The following SLC30A9 variants were observed in gnomAD, a reference collection of about 807,000 sequenced individuals.
SLC30A9 encodes proton-coupled zinc antiporter SLC30A9, mitochondrial.
In SLC30A9, 58 loss-of-function variants were observed where a neutral mutation model predicts 87.5. The observed-to-expected ratio is 0.66, with a 90% CI of 0.54 to 0.82. SLC30A9 has a LOEUF of 0.82. SLC30A9 is among the 40% of genes least tolerant of loss of function. The pLI, the probability that SLC30A9 is intolerant of heterozygous loss-of-function variation, is 0.00. For missense variants in SLC30A9, 557 were observed against 679.1 expected (o/e 0.82, Z 2.00); for synonymous variants, 234 against 233.0 (o/e 1.00, Z -0.04).
Position 42,038,491 on chromosome 4 carries a change from CTGTT to C in SLC30A9, c.670-490_670-487del, listed in dbSNP as rs1295887879. ...TTCTTATTTTAATAAAACATACATT[CTGTT>C]TGTTATCAATAAACAGTATAATTCA... On this transcript the variant is annotated intron_variant, in intron 7 of 17. Transcript: ENST00000264451. Among the ~76,000 whole-genome samples the C allele has an allele frequency of 2.6e-5, 4 of 152,132 alleles. No individual in the cohort carries two copies. The South Asian group carries it at 6.2e-4, about 24-fold the overall frequency.
intron 17 of SLC30A9, among the ~76,000 whole-genome samples, chr4:42,085,742 T>C (rs953841481): frequency 6.6e-6 from 1 of 152,070 alleles, no homozygotes. Context: ...CAATTTACTC[T>C]TTTTGATTAT....
At chr4:42,057,523 C>T (rs2153139371) in intron 9 of SLC30A9, among the ~76,000 whole-genome samples, 1 of 152,292 alleles carries the variant, frequency 6.6e-6, no homozygotes, top group South Asian at 2.1e-4. Context: ...GGATGCAAGG[C>T]ACTAAGCTCC....
intron 2 of SLC30A9, among the ~76,000 whole-genome samples, chr4:42,011,632 T>C (rs1331071437): frequency 6.6e-6 from 1 of 152,176 alleles, no homozygotes; most frequent in Non-Finnish European, 1.5e-5. Flanking sequence ...TCAAAATACA[T>C]GAAGAATCCT....
chr4:42,024,447 G>T (rs1362077498), intron 6 of SLC30A9, among the ~76,000 whole-genome samples: 1 of 152,098 alleles, frequency 6.6e-6, no homozygotes, highest in African/African-American at 2.4e-5. Context: ...CAGTTGTATA[G>T]TACCCCATTG....
chr4:42,030,716 A>G lies in SLC30A9; in HGVS notation c.611-4559A>G, dbSNP rs371877915. ...TTTTTCTCCTGGGAATGGGACAGGG[A>G]TTTGTCATGGGGGAACTGCCCTTTA... On this transcript the variant is annotated intron_variant, in intron 6 of 17. Coordinates refer to ENST00000264451, the MANE Select transcript of SLC30A9 (RefSeq NM_006345.4). Among the ~76,000 whole-genome samples, 16 of 151,356 alleles carry G rather than the reference A, an allele frequency of 1.1e-4. 1 individual carries two copies. The highest frequency in any genetic ancestry group is 9.7e-4 in the East Asian group (5 of 5,176).
At chr4:42,010,174 T>C (rs1395616) in intron 2 of SLC30A9, among the ~76,000 whole-genome samples, 92,238 of 152,166 alleles carry the variant, frequency 0.61, 33,382 homozygotes, top group East Asian at 0.95. Context: ...GCTTTAGGTA[T>C]CAAAACGTAC....
chr4:41,992,323 A>G (rs1560530958), intron 1 of SLC30A9, among the ~76,000 whole-genome samples: 4 of 151,818 alleles, frequency 2.6e-5, no homozygotes, highest in Admixed American at 1.3e-4. Context: ...CCTGGGTGAC[A>G]GAGTGAGACC....
Position 42,067,096 on chromosome 4 carries a change from C to T in SLC30A9, c.1156C>T (p.Arg386Cys), listed in dbSNP as rs1577718858. 1.6e-5 allele frequency: 25 copies of T among 1,607,964 alleles called. No individual in the cohort carries two copies. The highest frequency in any genetic ancestry group is 2.2e-5 in the South Asian group (2 of 90,824). The change falls in exon 14 of 18, where the codon CGT becomes TGT. Residue 386 changes from arginine to cysteine, a missense_variant. Arg to Cys is a radical substitution (Grantham distance 180). This residue lies in a region of SLC30A9 where 467 missense variants were observed against 529.8 expected (regional missense o/e 0.88). Transcript: ENST00000264451. ...MSFYKYVMES[R>C]DPSTNVILLE... ...TCCCCAATGACTAGTAATGGAAAGT[C>T]GTGATCCTAGTACAAATGTGATATT...
chr4:42,024,716 C>T (rs1336472607), intron 6 of SLC30A9, among the ~76,000 whole-genome samples: 1 of 152,062 alleles, frequency 6.6e-6, no homozygotes, highest in African/African-American at 2.4e-5. Flanking sequence ...CATACCCTTG[C>T]CCATGCTGGA....
intron 6 of SLC30A9, 98 bp from the exon 7 acceptor site, chr4:42,035,177 G>C (rs1409463489): frequency 8.3e-7 from 1 of 1,206,190 alleles, no homozygotes; most frequent in Admixed American, 2.4e-5. Flanking sequence ...TTAGCTAGTA[G>C]CGCATATTTA....
chr4:42,071,477 A>C (rs987214293), intron 15 of SLC30A9, among the ~76,000 whole-genome samples: 1 of 152,134 alleles, frequency 6.6e-6, no homozygotes, highest in African/African-American at 2.4e-5. Context: ...TTTAATCTTG[A>C]AAAGTAACTA....
At chr4:42,009,899 T>G (rs1577682437) in intron 2 of SLC30A9, among the ~76,000 whole-genome samples, 1 of 152,220 alleles carries the variant, frequency 6.6e-6, no homozygotes, top group East Asian at 1.9e-4. Flanking sequence ...TCCACCTTTT[T>G]CCCTTCACTC....
chr4:42,070,798 C>A, intron 15 of SLC30A9, 107 bp downstream of exon 15: 1 of 856,656 alleles, frequency 1.2e-6, no homozygotes, highest in Non-Finnish European at 1.7e-6. Flanking sequence ...TCCTCGTCTT[C>A]AGAACGTTTT....
Position 42,012,054 on chromosome 4 carries a change from GA to G in SLC30A9, c.275-6056del, listed in dbSNP as rs1715467051. On this transcript the variant is annotated intron_variant, in intron 2 of 17. Coordinates refer to ENST00000264451, the MANE Select transcript of SLC30A9 (RefSeq NM_006345.4). ...AAATGGTGAGGAATCAATATATAAA[GA>G]GAGATGAGAATTTTTCAGAATTTGA... Among the ~76,000 whole-genome samples the G allele has an allele frequency of 4.8e-4, 13 of 27,116 alleles. No homozygotes were observed. The Admixed American group carries it at 0.013, about 28-fold the overall frequency. 17.8% of individuals were successfully genotyped at this position (27,116 alleles called of 152,430 possible). A position where few individuals can be genotyped will look rare whatever the true frequency, so the allele number is the denominator to read the frequency against.
At chr4:42,066,966 A>G in intron 13 of SLC30A9, 119 bp from the exon 14 acceptor site, 2 of 652,096 alleles carry the variant, frequency 3.1e-6, no homozygotes, top group Non-Finnish European at 5.3e-6. Context: ...AATCTCTCAT[A>G]CACTTTTTTA....
chr4:42,046,411 A>G (rs1414257905), intron 8 of SLC30A9, among the ~76,000 whole-genome samples: 1 of 152,254 alleles, frequency 6.6e-6, no homozygotes, highest in Admixed American at 6.5e-5. Flanking sequence ...ATCAATGTAC[A>G]AAAATCACAA....
chr4:42,005,647 C>G (rs2581447), intron 2 of SLC30A9, among the ~76,000 whole-genome samples: 98,554 of 152,012 alleles, frequency 0.65, 36,064 homozygotes, highest in East Asian at 0.96. Flanking sequence ...AATAGAAATC[C>G]GGGGAAAGCT....
chr4:42,084,713 C>T (rs936051599), intron 17 of SLC30A9, among the ~76,000 whole-genome samples: 13 of 152,134 alleles, frequency 8.5e-5, no homozygotes, highest in African/African-American at 1.2e-4. Context: ...CCTTGTGATC[C>T]GCCCGCCTCG....
intron 2 of SLC30A9, among the ~76,000 whole-genome samples, chr4:42,003,242 A>C (rs1213327872): frequency 6.6e-6 from 1 of 152,128 alleles, no homozygotes; most frequent in Non-Finnish European, 1.5e-5. Flanking sequence ...TAGTTTAGCA[A>C]TTGGTCAGTT....
Sources: allele counts gnomAD v4.1 joint callset (sites outside exome capture counted in the v4.1 genomes callset), GRCh38; gene constraint gnomAD v4.1.1; regional missense constraint gnomAD v4.1.1; transcripts MANE v1.5; gene names NCBI Gene and HGNC (gene_info 2026-07-23, HGNC 2026-07-21).